Variants in LRRC4C observed in about 807,000 individuals in gnomAD.
LRRC4C encodes leucine-rich repeat-containing protein 4C.
Under a neutral mutation model 33.6 loss-of-function variants are expected in LRRC4C, and 5 were observed. That is an observed-to-expected ratio of 0.15 (90% confidence interval 0.08 to 0.31). The LOEUF is 0.31. LRRC4C is among the 10% of genes least tolerant of loss of function. LRRC4C has a pLI of 1.00. For synonymous variants in LRRC4C, 329 were observed against 302.0 expected, an observed-to-expected ratio of 1.09 and a Z score of -0.93; for missense variants, 560 against 796.7, an observed-to-expected ratio of 0.70 and a Z score of 3.58.
At chr11:40,427,644 A>T (rs974183523) in intron 3 of LRRC4C, among the ~76,000 whole-genome samples, 42 of 152,246 alleles carry the variant, frequency 2.8e-4, no homozygotes, top group African/African-American at 1.0e-3. Flanking sequence ...AGTGGGTAAC[A>T]TGGTGAAGCC....
chr11:40,251,472 A>G lies in LRRC4C; in HGVS notation c.-175-9874T>C, dbSNP rs187043055. Among the ~76,000 whole-genome samples the G allele has an allele frequency of 5.5e-3, 837 of 152,200 alleles. 5 individuals carry two copies. The highest frequency in any genetic ancestry group is 0.02 in the African/African-American group (810 of 41,532). ...CATGTACAGTCAAACCTACAAACAG[A>G]TATTTCCAAGCCTCCACATTTCCTG... On this transcript the variant is annotated intron_variant, in intron 4 of 6. Transcript: ENST00000528697.
intron 2 of LRRC4C, among the ~76,000 whole-genome samples, chr11:40,744,489 G>A (rs1287819835): frequency 1.3e-5 from 2 of 152,114 alleles, no homozygotes; most frequent in Non-Finnish European, 2.9e-5. Flanking sequence ...AATTGTAGTG[G>A]TCTCAAATTT....
At chr11:40,973,709 A>G (rs376589982) in intron 1 of LRRC4C, among the ~76,000 whole-genome samples, 1 of 152,260 alleles carries the variant, frequency 6.6e-6, no homozygotes, top group African/African-American at 2.4e-5. Flanking sequence ...GATTAATGTT[A>G]GAGAGTTAAT....
intron 1 of LRRC4C, among the ~76,000 whole-genome samples, chr11:41,051,682 T>A (rs1293653531): frequency 6.6e-6 from 1 of 152,074 alleles, no homozygotes; most frequent in Non-Finnish European, 1.5e-5. Context: ...TAATTCTGCC[T>A]CTGCTTTTCT....
In LRRC4C at chr11:40,900,131, C is replaced by T. The variant is rs77238593; in HGVS notation, c.-407+33504G>A. ...ATTCTTATACTAATTAGAGCTTTCC[C>T]TTCTTCATGCTTATTTACAAATTTA... is the stretch of plus-strand genomic sequence containing the variant. On this transcript the variant is annotated intron_variant, in intron 2 of 6. Transcript: ENST00000528697. Among the ~76,000 whole-genome samples the T allele has an allele frequency of 4.5e-4, 69 of 152,050 alleles. 2 individuals are homozygous for T. In the East Asian group the frequency reaches 9.5e-3, roughly 21 times the overall value.
At chr11:40,866,157 G>A (rs1954357010) in intron 2 of LRRC4C, among the ~76,000 whole-genome samples, 1 of 117,176 alleles carries the variant, frequency 8.5e-6, no homozygotes. Context: ...GAAATCCCAG[G>A]GTAATTCTAC....
chr11:40,667,521 G>A (rs1176701005), intron 2 of LRRC4C, among the ~76,000 whole-genome samples: 1 of 152,172 alleles, frequency 6.6e-6, no homozygotes, highest in Non-Finnish European at 1.5e-5. Flanking sequence ...TAACAGGATA[G>A]TCACTTTTTT....
At chr11:40,197,596 C>T (rs923244802) in intron 5 of LRRC4C, among the ~76,000 whole-genome samples, 1 of 152,172 alleles carries the variant, frequency 6.6e-6, no homozygotes, top group African/African-American at 2.4e-5. Context: ...TCATGCTGTT[C>T]CACCATATTT....
chr11:40,423,634 G>A (rs1449211427), intron 3 of LRRC4C, among the ~76,000 whole-genome samples: 1 of 152,080 alleles, frequency 6.6e-6, no homozygotes, highest in Non-Finnish European at 1.5e-5. Context: ...GTGAGCCACC[G>A]CGTCCGGCTG....
intron 3 of LRRC4C, among the ~76,000 whole-genome samples, chr11:40,436,838 C>G (rs918972996): frequency 6.6e-6 from 1 of 152,088 alleles, no homozygotes; most frequent in Non-Finnish European, 1.5e-5. Flanking sequence ...AGCTGGAGTT[C>G]CCAACTGAGG....
chr11:41,278,473 T>C (rs1423469379), intron 1 of LRRC4C, among the ~76,000 whole-genome samples: 1 of 152,214 alleles, frequency 6.6e-6, no homozygotes, highest in African/African-American at 2.4e-5. Flanking sequence ...AAACGTTATG[T>C]TGTACACAAT....
At chr11:40,404,295 T>A (rs1420135259) in intron 3 of LRRC4C, among the ~76,000 whole-genome samples, 2 of 152,136 alleles carry the variant, frequency 1.3e-5, no homozygotes, top group Admixed American at 1.3e-4. Flanking sequence ...AGGAGGCAAC[T>A]CAGCTGAGCC....
chr11:41,082,357 A>G (rs1939639549), intron 1 of LRRC4C, among the ~76,000 whole-genome samples: 2 of 151,830 alleles, frequency 1.3e-5, no homozygotes, highest in Non-Finnish European at 2.9e-5. Flanking sequence ...GCAGCATTGA[A>G]TGTAGCTGAC....
intron 1 of LRRC4C, among the ~76,000 whole-genome samples, chr11:41,181,530 A>G (rs1945450328): frequency 6.6e-6 from 1 of 152,184 alleles, no homozygotes; most frequent in South Asian, 2.1e-4. Context: ...TTAGAAAAGT[A>G]TTGTTGTTAT....
At chr11:40,247,558 A>G (rs1227997923) in intron 4 of LRRC4C, among the ~76,000 whole-genome samples, 1 of 152,254 alleles carries the variant, frequency 6.6e-6, no homozygotes, top group African/African-American at 2.4e-5. Context: ...ATCACTTATC[A>G]AAAATCACAC....
chr11:41,419,279 A>C (rs1004256833), intron 1 of LRRC4C, among the ~76,000 whole-genome samples: 2 of 151,926 alleles, frequency 1.3e-5, no homozygotes, highest in African/African-American at 4.8e-5. Context: ...CCCATGATAT[A>C]GTCAATTTGT....
intron 3 of LRRC4C, among the ~76,000 whole-genome samples, chr11:40,603,735 T>C (rs1397256880): frequency 6.6e-6 from 1 of 152,194 alleles, no homozygotes; most frequent in Non-Finnish European, 1.5e-5. Context: ...TAAGAGCCAA[T>C]TTATCTGTAA....
chr11:41,186,204 TA>T (rs1945687769), intron 1 of LRRC4C, among the ~76,000 whole-genome samples: 1 of 152,070 alleles, frequency 6.6e-6, no homozygotes, highest in African/African-American at 2.4e-5. Context: ...TTTAATTCAG[TA>T]AAATCAGTAA....
intron 1 of LRRC4C, among the ~76,000 whole-genome samples, chr11:40,979,042 A>G (rs376496958): frequency 6.6e-6 from 1 of 152,190 alleles, no homozygotes; most frequent in African/African-American, 2.4e-5. Flanking sequence ...TTCTAGGATA[A>G]TCTGTACATT....
Sources: gnomAD v4.1 joint callset for allele counts (sites outside exome capture counted in the v4.1 genomes callset) on GRCh38, gnomAD v4.1.1 for gene constraint, MANE v1.5 for transcripts, NCBI Gene and HGNC (gene_info 2026-07-23, HGNC 2026-07-21) for gene names.